The following COL23A1 variants were observed in gnomAD, a reference collection of about 807,000 sequenced individuals.
COL23A1 encodes the protein collagen type XXIII alpha 1 chain, also known as collagen alpha-1(XXIII) chain.
A neutral mutation model predicts 99.3 loss-of-function variants in COL23A1; 97 were observed. The ratio of observed to expected loss-of-function variants is 0.98; its 90% CI spans 0.83 to 1.16. COL23A1 has a LOEUF of 1.16. COL23A1 is among the 50% of genes most tolerant of loss of function. The pLI is 0.00. For missense variants in COL23A1, 762 were observed against 757.4 expected (o/e 1.01, Z -0.07); for synonymous variants, 320 against 308.2 (o/e 1.04, Z -0.40).
At chr5:178,562,302 A>T (rs1368929235) in intron 1 of COL23A1, 1 of 252,874 alleles carries the variant, frequency 4.0e-6, no homozygotes. Context: ...TGGCTCGCTC[A>T]CTCATACTTT....
Position 178,430,641 on chromosome 5 carries a change from T to A in COL23A1, c.362-123722A>T, listed in dbSNP as rs535989558. Among the ~76,000 whole-genome samples, 87 of 152,290 alleles carry A rather than the reference T, an allele frequency of 5.7e-4. No homozygotes were observed. The South Asian group carries it at 0.012, about 20-fold the overall frequency. On this transcript the variant is annotated intron_variant, in intron 2 of 28. Coordinates refer to ENST00000390654, the MANE Select transcript of COL23A1 (RefSeq NM_173465.4). ...CCTGCCTGATGTCCAGGTAGGAGACTGAGAAAGGAAACTAACAAAGTTGGA... is the reference window on the plus strand; with the variant it reads ...CCTGCCTGATGTCCAGGTAGGAGACAGAGAAAGGAAACTAACAAAGTTGGA...
chr5:178,411,016 C>G (rs984777935), intron 2 of COL23A1, among the ~76,000 whole-genome samples: 1 of 152,116 alleles, frequency 6.6e-6, no homozygotes, highest in Non-Finnish European at 1.5e-5. Flanking sequence ...AGAAGATACA[C>G]AAACAGCCAA....
intron 1 of COL23A1, among the ~76,000 whole-genome samples, chr5:178,583,962 C>T (rs983738970): frequency 3.9e-5 from 6 of 152,174 alleles, no homozygotes; most frequent in South Asian, 2.1e-4. Context: ...CACCTGGGCT[C>T]GAGCAATCCT....
chr5:178,248,012 C>T (rs1462060677), intron 20 of COL23A1, among the ~76,000 whole-genome samples, 180 bp downstream of exon 20: 3 of 152,212 alleles, frequency 2.0e-5, no homozygotes, highest in Non-Finnish European at 4.4e-5. Context: ...TGCCACTGCA[C>T]TCCAGCCTGG....
At chr5:178,303,309 T>G (rs1561842796) in intron 3 of COL23A1, among the ~76,000 whole-genome samples, 1 of 152,268 alleles carries the variant, frequency 6.6e-6, no homozygotes, top group East Asian at 1.9e-4. Context: ...TAAAGCTGGT[T>G]TTTAAGGCTA....
chr5:178,249,278 A>G lies in COL23A1; in HGVS notation c.1060-72T>C, dbSNP rs1581446863. On this transcript the variant is annotated intron_variant, in intron 18 of 28. Transcript: ENST00000390654. Reference sequence around the variant, plus strand: ...TCCCTTCTCCCCCCAGCAGGTCCCCAGAGCTTAGTTCATGCTAGGGCCCCA... The same window carrying G: ...TCCCTTCTCCCCCCAGCAGGTCCCCGGAGCTTAGTTCATGCTAGGGCCCCA... 2.1e-6 allele frequency: 3 copies of G among 1,447,392 alleles called. No homozygotes were observed. The East Asian group carries it at 6.8e-5, about 33-fold the overall frequency. The allele number at this position is 1,447,392 out of a possible 1,614,324, so 89.7% of individuals were successfully genotyped here. A position where few individuals can be genotyped will look rare whatever the true frequency, so the allele number is the denominator to read the frequency against.
chr5:178,414,596 A>G (rs1290240385), intron 2 of COL23A1, among the ~76,000 whole-genome samples: 1 of 151,978 alleles, frequency 6.6e-6, no homozygotes. Flanking sequence ...ACAGGGTGAA[A>G]CCCCGTCTCT....
At position 178,337,284 on chromosome 5, in the gene COL23A1, C is replaced by T. The variant is rs117507039; in HGVS notation, c.362-30365G>A. On this transcript the variant is annotated intron_variant, in intron 2 of 28. Transcript: ENST00000390654. ...GAGGAGAGCATGCGTGTTCCTGTCC[C>T]GGTGATCCCCGGCCAGACCCCGGGA... Among the ~76,000 whole-genome samples, 5 of 152,308 alleles carry T rather than the reference C, an allele frequency of 3.3e-5. No homozygotes were observed. In the East Asian group the frequency reaches 7.7e-4, roughly 24 times the overall value.
chr5:178,269,325 A>G (rs1215532872), intron 6 of COL23A1, among the ~76,000 whole-genome samples: 7 of 146,344 alleles, frequency 4.8e-5, no homozygotes, highest in African/African-American at 1.8e-4. Context: ...CCATCCATCC[A>G]TCCATGTATC....
chr5:178,382,822 G>A (rs1249531886), intron 2 of COL23A1, among the ~76,000 whole-genome samples: 2 of 152,170 alleles, frequency 1.3e-5, no homozygotes, highest in African/African-American at 2.4e-5. Context: ...CCTCCCCACC[G>A]CCTTGGCAGG....
chr5:178,562,515 A>C (rs6880593), intron 1 of COL23A1: 12,847 of 150,628 alleles, frequency 0.085, 664 homozygotes, highest in Middle Eastern at 0.2. Context: ...AGATTGCGCC[A>C]CTGCACTCCA....
rs1274875123 is a variant in COL23A1, at chr5:178,281,767, C to A, written c.441+6557G>T. ...TTATTTTTTAAAACAGACGGGGATT[C>A]GGCCAGGATTGGCAGCTCATGCCTG... is the stretch of plus-strand genomic sequence containing the variant. On this transcript the variant is annotated intron_variant, in intron 5 of 28. Coordinates refer to ENST00000390654, the MANE Select transcript of COL23A1 (RefSeq NM_173465.4). The surrounding 1 kb of genome is among the most constrained non-coding windows in gnomAD (Gnocchi z 4.0). Among the ~76,000 whole-genome samples the A allele has an allele frequency of 6.6e-6, 1 of 152,110 alleles. No homozygotes were observed. The highest frequency in any genetic ancestry group is 2.1e-4 in the South Asian group (1 of 4,814).
intron 3 of COL23A1, 51 bp from the exon 4 acceptor site, chr5:178,290,420 C>T (rs1008632689): frequency 6.2e-7 from 1 of 1,613,526 alleles, no homozygotes; most frequent in South Asian, 1.1e-5. Flanking sequence ...GCAGAGTCCC[C>T]TCGCCTGTCC....
intron 25 of COL23A1, among the ~76,000 whole-genome samples, chr5:178,243,001 C>A (rs972576774): frequency 1.3e-5 from 2 of 151,244 alleles, no homozygotes; most frequent in Non-Finnish European, 2.9e-5. Flanking sequence ...GTTTGAGACC[C>A]ACCCTGGCCA....
chr5:178,581,255 C>CAAACTCAGATGTTCTA (rs1763645182), intron 1 of COL23A1, among the ~76,000 whole-genome samples: 1 of 152,212 alleles, frequency 6.6e-6, no homozygotes, highest in Non-Finnish European at 1.5e-5. Flanking sequence ...CTGTCTGTCT[C>CAAACTCAGATGTTCTA]AAACTCAGAT....
At chr5:178,432,823 C>T (rs1372896344) in intron 2 of COL23A1, among the ~76,000 whole-genome samples, 6 of 152,136 alleles carry the variant, frequency 3.9e-5, no homozygotes, top group Admixed American at 2.0e-4. Context: ...TCCTTGAGGT[C>T]CTGGGCACAG....
intron 2 of COL23A1, among the ~76,000 whole-genome samples, chr5:178,557,176 C>A (rs900512698): frequency 8.5e-5 from 13 of 152,132 alleles, no homozygotes; most frequent in Admixed American, 3.3e-4. Flanking sequence ...CACGCCAATC[C>A]CCACTCCGCT....
chr5:178,354,956 G>C (rs1368819268), intron 2 of COL23A1, among the ~76,000 whole-genome samples: 1 of 151,914 alleles, frequency 6.6e-6, no homozygotes, highest in East Asian at 1.9e-4. Flanking sequence ...TACTCGGGAG[G>C]CTGAAGCAGG....
At chr5:178,358,232 ATGTG>A (rs1276901748) in intron 2 of COL23A1, among the ~76,000 whole-genome samples, 10 of 77,532 alleles carry the variant, frequency 1.3e-4, no homozygotes, top group East Asian at 4.7e-4. Flanking sequence ...TAATGTGTGT[ATGTG>A]TGTATGTGTA....
Sources: gnomAD v4.1 joint callset for allele counts (sites outside exome capture counted in the v4.1 genomes callset) on GRCh38, gnomAD v4.1.1 for gene constraint, Gnocchi (gnomAD v3.1) non-coding constraint, MANE v1.5 for transcripts, NCBI Gene and HGNC (gene_info 2026-07-23, HGNC 2026-07-21) for gene names.